ANTXR2: variants seen among roughly 807,000 people sequenced by gnomAD.
ANTXR2 encodes anthrax toxin receptor 2.
A neutral mutation model predicts 73.7 loss-of-function variants in ANTXR2; 44 were observed. The observed-to-expected ratio is 0.60, with a 90% CI of 0.47 to 0.77. The LOEUF (loss-of-function observed/expected upper bound fraction) is 0.77. Among genes scored for constraint, ANTXR2 ranks in the 30% least tolerant of loss-of-function variants. The pLI is 0.00. For missense variants in ANTXR2, 604 were observed against 592.5 expected, an observed-to-expected ratio of 1.02 and a Z score of -0.20; for synonymous variants, 217 against 205.9, an observed-to-expected ratio of 1.05 and a Z score of -0.46.
chr4:80,061,138 G>C (rs945841973), intron 3 of ANTXR2, among the ~76,000 whole-genome samples: 2 of 152,144 alleles, frequency 1.3e-5, no homozygotes, highest in Non-Finnish European at 2.9e-5. Context: ...GAAAACAATA[G>C]AGGAAACTAC....
intron 7 of ANTXR2, among the ~76,000 whole-genome samples, chr4:80,038,633 C>A (rs924588740): frequency 5.3e-5 from 8 of 151,838 alleles, no homozygotes; most frequent in African/African-American, 1.9e-4. Flanking sequence ...CTTACATTTG[C>A]TAATAACAAT....
intron 16 of ANTXR2, among the ~76,000 whole-genome samples, chr4:79,924,285 C>T (rs567500619): frequency 1.3e-5 from 2 of 152,160 alleles, no homozygotes; most frequent in East Asian, 3.9e-4. Flanking sequence ...ACTTCATCAA[C>T]AAGTAAAGAT....
chr4:79,936,768 GATT>G (rs1728279406), intron 16 of ANTXR2, among the ~76,000 whole-genome samples: 1 of 152,040 alleles, frequency 6.6e-6, no homozygotes, highest in African/African-American at 2.4e-5. Flanking sequence ...TTTAAGTTCT[GATT>G]ATTAATTGCA....
At chr4:80,038,031 T>G (rs2110089280) in intron 7 of ANTXR2, among the ~76,000 whole-genome samples, 1 of 152,278 alleles carries the variant, frequency 6.6e-6, no homozygotes, top group African/African-American at 2.4e-5. Context: ...CACAGCTTTA[T>G]CAGTATTACT....
At chr4:79,989,714 A>G (rs1451429665) in intron 12 of ANTXR2, among the ~76,000 whole-genome samples, 1 of 152,156 alleles carries the variant, frequency 6.6e-6, no homozygotes, top group African/African-American at 2.4e-5. Flanking sequence ...CCTGATGAAC[A>G]TAGACCCAAA....
intron 3 of ANTXR2, among the ~76,000 whole-genome samples, chr4:80,064,628 T>C (rs745452629): frequency 3.3e-5 from 5 of 152,200 alleles, no homozygotes; most frequent in Non-Finnish European, 5.9e-5. Flanking sequence ...TGGGGTTCCT[T>C]TAGACCTGCT....
chr4:79,997,407 AT>A (rs898192769), intron 12 of ANTXR2, among the ~76,000 whole-genome samples: 3 of 151,958 alleles, frequency 2.0e-5, no homozygotes, highest in African/African-American at 4.8e-5. Context: ...CATTCTTAGT[AT>A]TTACAAGAAT....
intron 16 of ANTXR2, among the ~76,000 whole-genome samples, chr4:79,907,702 A>G (rs537484613): frequency 6.6e-6 from 1 of 152,316 alleles, no homozygotes; most frequent in East Asian, 1.9e-4. Flanking sequence ...TGGAAAAACA[A>G]TTATGGAAAT....
At chr4:80,004,469 G>A (rs910271782) in intron 12 of ANTXR2, among the ~76,000 whole-genome samples, 1 of 144,696 alleles carries the variant, frequency 6.9e-6, no homozygotes, top group African/African-American at 2.4e-5. Flanking sequence ...AAAATCAGGT[G>A]TTGGCCAAGC....
At chr4:80,058,479 G>A (rs773268146) in intron 3 of ANTXR2, among the ~76,000 whole-genome samples, 3 of 152,018 alleles carry the variant, frequency 2.0e-5, no homozygotes, top group Non-Finnish European at 4.4e-5. Context: ...AAGTCTGTCA[G>A]CCTCTTATCA....
chr4:79,917,559 G>T (rs1201227383), intron 16 of ANTXR2, among the ~76,000 whole-genome samples: 1 of 152,092 alleles, frequency 6.6e-6, no homozygotes, highest in East Asian at 1.9e-4. Context: ...GACCTCCGCT[G>T]CAACTTTACA....
chr4:80,025,539 C>T (rs918373264), intron 10 of ANTXR2, among the ~76,000 whole-genome samples: 2 of 152,092 alleles, frequency 1.3e-5, no homozygotes, highest in African/African-American at 4.8e-5. Flanking sequence ...TTTGCACATA[C>T]TGAAAATTAA....
intron 12 of ANTXR2, among the ~76,000 whole-genome samples, chr4:80,005,450 T>C (rs1463247002): frequency 6.6e-6 from 1 of 152,166 alleles, no homozygotes; most frequent in Non-Finnish European, 1.5e-5. Flanking sequence ...AATTTAACGC[T>C]ACTAAGAATT....
chr4:79,911,771 TTTAA>T (rs1727151926), intron 16 of ANTXR2, among the ~76,000 whole-genome samples: 2 of 152,064 alleles, frequency 1.3e-5, no homozygotes, highest in African/African-American at 2.4e-5. Flanking sequence ...TTTCTGAAAA[TTTAA>T]TTAAATATTC....
chr4:79,993,739 A>G (rs1222742669), intron 12 of ANTXR2, among the ~76,000 whole-genome samples: 1 of 93,812 alleles, frequency 1.1e-5, no homozygotes, highest in Non-Finnish European at 2.4e-5. Flanking sequence ...GAGTCTGGCA[A>G]TACACCACAC....
intron 3 of ANTXR2, among the ~76,000 whole-genome samples, chr4:80,067,653 G>A (rs1241478842): frequency 2.0e-5 from 3 of 151,650 alleles, no homozygotes; most frequent in Admixed American, 6.6e-5. Context: ...TGCCATACAC[G>A]GGTTGTGGAC....
intron 7 of ANTXR2, among the ~76,000 whole-genome samples, chr4:80,036,475 C>A (rs1210131157): frequency 6.6e-6 from 1 of 152,074 alleles, no homozygotes; most frequent in Non-Finnish European, 1.5e-5. Flanking sequence ...GCACTGCTGA[C>A]TGGGTGCGGT....
intron 11 of ANTXR2, among the ~76,000 whole-genome samples, chr4:80,013,463 T>C (rs1731693772): frequency 6.6e-6 from 1 of 152,196 alleles, no homozygotes; most frequent in African/African-American, 2.4e-5. Flanking sequence ...TCCTGAAGCA[T>C]ACAGAGGAGC....
At position 80,073,084 on chromosome 4, in the gene ANTXR2, A is replaced by C. The variant is rs1578203966; in HGVS notation, c.-524T>G. On this transcript the variant is annotated 5_prime_UTR_variant, in exon 1 of 17. Transcript: ENST00000403729. ...CGGCCCCAACTCCCTCCGCACTCCG[A>C]AACTTTCCTCCCGGTGCTGGACTCT... 6.5e-6 allele frequency: 1 copy of C among 153,062 alleles called. No individual in the cohort carries two copies. The highest frequency in any genetic ancestry group is 2.4e-5 in the African/African-American group (1 of 41,456). 9.5% of individuals were successfully genotyped at this position (153,062 alleles called of 1,614,324 possible).
Sources: gnomAD v4.1 joint callset for allele counts (sites outside exome capture counted in the v4.1 genomes callset) on GRCh38, gnomAD v4.1.1 for gene constraint, MANE v1.5 for transcripts, NCBI Gene and HGNC (gene_info 2026-07-23, HGNC 2026-07-21) for gene names.